Variants in CSMD3 observed in about 807,000 individuals in gnomAD.
The protein encoded by CSMD3 is CUB and sushi domain-containing protein 3.
In CSMD3, 177 loss-of-function variants were observed where a neutral mutation model predicts 435.2. The observed-to-expected ratio is 0.41, with a 90% CI of 0.36 to 0.46. The LOEUF (loss-of-function observed/expected upper bound fraction) is 0.46. Among genes scored for constraint, CSMD3 ranks in the 20% least tolerant of loss-of-function variants. The probability of loss-of-function intolerance (pLI) is 0.34; values close to 1 mark genes in which losing one functional copy is unlikely to be tolerated. For missense variants in CSMD3, 4,265 were observed against 4,504.6 expected, an observed-to-expected ratio of 0.95 and a Z score of 1.52; for synonymous variants, 1,656 against 1,520.5, an observed-to-expected ratio of 1.09 and a Z score of -2.07.
intron 38 of CSMD3, among the ~76,000 whole-genome samples, chr8:112,369,402 C>A (rs66754048): frequency 0.39 from 59,906 of 151,852 alleles, 13,289 homozygotes; most frequent in Middle Eastern, 0.53. Flanking sequence ...AAGCAATTAA[C>A]AAAAGAACAT....
intron 45 of CSMD3, among the ~76,000 whole-genome samples, chr8:112,331,738 A>G (rs987661524): frequency 1.3e-5 from 2 of 152,078 alleles, no homozygotes; most frequent in African/African-American, 2.4e-5. Flanking sequence ...ATCAGAAGTA[A>G]CTATCAAGTC....
chr8:112,601,955 A>G (rs1563755848), intron 22 of CSMD3, among the ~76,000 whole-genome samples: 1 of 152,184 alleles, frequency 6.6e-6, no homozygotes, highest in Non-Finnish European at 1.5e-5. Flanking sequence ...TACAAGTTTC[A>G]GGTTAAGCAT....
At chr8:112,391,305 T>C (rs1346326642) in intron 35 of CSMD3, among the ~76,000 whole-genome samples, 1 of 152,088 alleles carries the variant, frequency 6.6e-6, no homozygotes, top group Non-Finnish European at 1.5e-5. Flanking sequence ...ATTTAAGCCT[T>C]CCAACAACTA....
intron 7 of CSMD3, among the ~76,000 whole-genome samples, chr8:112,956,689 G>T: frequency 6.6e-6 from 1 of 152,046 alleles, no homozygotes; most frequent in East Asian, 1.9e-4. Flanking sequence ...TAAATAATAA[G>T]TTACTAATAT....
intron 3 of CSMD3, among the ~76,000 whole-genome samples, chr8:113,174,996 G>A (rs754019922): frequency 5.3e-5 from 8 of 151,662 alleles, no homozygotes; most frequent in Non-Finnish European, 8.9e-5. Flanking sequence ...AAGTCATGTT[G>A]CAATAAAAAG....
intron 19 of CSMD3, among the ~76,000 whole-genome samples, chr8:112,648,598 C>T (rs1391291097): frequency 6.6e-6 from 1 of 151,988 alleles, no homozygotes; most frequent in Admixed American, 6.6e-5. Flanking sequence ...CGTGAAATAA[C>T]CTTAGTGAGA....
In CSMD3 at chr8:113,278,555, T is replaced by C. The variant is rs775178345; in HGVS notation, c.514+37A>G. On this transcript the variant is annotated intron_variant, in intron 3 of 70. Coordinates refer to ENST00000297405, the MANE Select transcript of CSMD3 (RefSeq NM_198123.2). ...CTTGAAAAATTTTGTTAGATTACATTAAGGGCAGTGGTTTGTTTGCCACTA... is the reference window on the plus strand; with the variant it reads ...CTTGAAAAATTTTGTTAGATTACATCAAGGGCAGTGGTTTGTTTGCCACTA... 6 of 963,992 alleles carry C rather than the reference T, an allele frequency of 6.2e-6. No homozygotes were observed. The Admixed American group carries it at 6.8e-5, about 11-fold the overall frequency. The allele number at this position is 963,992 out of a possible 1,614,324, so 59.7% of individuals were successfully genotyped here. A position where few individuals can be genotyped will look rare whatever the true frequency, so the allele number is the denominator to read the frequency against.
intron 3 of CSMD3, among the ~76,000 whole-genome samples, chr8:113,206,338 C>G (rs969756833): frequency 6.6e-6 from 1 of 152,098 alleles, no homozygotes; most frequent in African/African-American, 2.4e-5. Context: ...TACTCTTTTT[C>G]CATTTAATTT....
chr8:112,877,201 T>C (rs772639606), intron 10 of CSMD3, among the ~76,000 whole-genome samples: 3 of 151,990 alleles, frequency 2.0e-5, no homozygotes, highest in Non-Finnish European at 2.9e-5. Context: ...ATTTATAGAT[T>C]CAATGCTGTC....
chr8:112,706,568 T>G (rs991552747), intron 13 of CSMD3, among the ~76,000 whole-genome samples: 1 of 151,986 alleles, frequency 6.6e-6, no homozygotes, highest in Non-Finnish European at 1.5e-5. Context: ...AAGGGAATGA[T>G]AGTGTGAACA....
At chr8:112,613,084 C>A (rs1833391637) in intron 22 of CSMD3, among the ~76,000 whole-genome samples, 1 of 151,908 alleles carries the variant, frequency 6.6e-6, no homozygotes, top group African/African-American at 2.4e-5. Context: ...AAAGTCTAAC[C>A]TTTAAAGGAA....
chr8:112,586,750 T>C (rs1460266345), intron 23 of CSMD3, among the ~76,000 whole-genome samples: 2 of 151,286 alleles, frequency 1.3e-5, no homozygotes, highest in African/African-American at 2.4e-5. Context: ...ATGTTTTATA[T>C]ATAATAATTT....
chr8:113,141,826 T>G (rs1015712831), intron 4 of CSMD3, among the ~76,000 whole-genome samples: 1 of 150,966 alleles, frequency 6.6e-6, no homozygotes, highest in Admixed American at 6.6e-5. Context: ...AGTAATACGA[T>G]AAACACAAAG....
At chr8:112,519,980 A>G (rs931018685) in intron 27 of CSMD3, among the ~76,000 whole-genome samples, 2 of 152,144 alleles carry the variant, frequency 1.3e-5, no homozygotes, top group African/African-American at 4.8e-5. Context: ...TTTTAAAATC[A>G]GACGAGCAGT....
chr8:112,902,587 C>A (rs2082135894), intron 10 of CSMD3, among the ~76,000 whole-genome samples: 1 of 151,124 alleles, frequency 6.6e-6, no homozygotes, highest in South Asian at 2.1e-4. Flanking sequence ...TCAAGCTCAG[C>A]GTTAGTCATG....
chr8:113,041,217 A>AGGGGGG (rs1190519642), intron 5 of CSMD3, among the ~76,000 whole-genome samples: 2 of 21,440 alleles, frequency 9.3e-5, no homozygotes, highest in Non-Finnish European at 1.9e-4. Context: ...AAAAAAAAAA[A>AGGGGGG]GGGGGGGGTG....
intron 5 of CSMD3, among the ~76,000 whole-genome samples, chr8:113,075,399 A>G (rs2089297472): frequency 2.0e-5 from 3 of 151,896 alleles, no homozygotes; most frequent in Admixed American, 2.0e-4. Flanking sequence ...CTTATAATTT[A>G]TAACTATTGG....
At chr8:112,768,383 T>C (rs1032625584) in intron 13 of CSMD3, among the ~76,000 whole-genome samples, 1 of 151,910 alleles carries the variant, frequency 6.6e-6, no homozygotes, top group African/African-American at 2.4e-5. Flanking sequence ...CCTTTTTCCC[T>C]ATTGCTTAAA....
At chr8:112,722,520 T>A (rs1384507397) in intron 13 of CSMD3, among the ~76,000 whole-genome samples, 1 of 152,096 alleles carries the variant, frequency 6.6e-6, no homozygotes, top group Non-Finnish European at 1.5e-5. Flanking sequence ...AATAAACGAA[T>A]AAGCAAATAA....
Sources: allele counts gnomAD v4.1 joint callset (sites outside exome capture counted in the v4.1 genomes callset), GRCh38; gene constraint gnomAD v4.1.1; transcripts MANE v1.5; gene names NCBI Gene and HGNC (gene_info 2026-07-23, HGNC 2026-07-21).